Variants in NEB observed in about 807,000 individuals in gnomAD.
NEB encodes nemaline myopathy type 2.
In NEB, 512 loss-of-function variants were observed where a neutral mutation model predicts 952.2. The ratio of observed to expected loss-of-function variants is 0.54; its 90% CI spans 0.50 to 0.58. NEB has a LOEUF of 0.58. Ranked by LOEUF, NEB falls within the 20% of genes least tolerant of loss-of-function variation. NEB has a pLI of 0.00. For synonymous variants in NEB, 2,900 were observed against 3,149.8 expected (o/e 0.92, Z 2.66); for missense variants, 8,428 against 9,231.1 (o/e 0.91, Z 3.56).
chr2:151,625,061 T>A (rs2098493508), intron 71 of NEB, among the ~76,000 whole-genome samples: 2 of 152,174 alleles, frequency 1.3e-5, no homozygotes, highest in South Asian at 4.1e-4. Context: ...TAAAGTTTAT[T>A]AAACAAATAC....
At chr2:151,526,538 AG>A (rs1368136173) in intron 148 of NEB, among the ~76,000 whole-genome samples, 1 of 152,162 alleles carries the variant, frequency 6.6e-6, no homozygotes, top group Non-Finnish European at 1.5e-5. Context: ...CCCTCCCATA[AG>A]CCCTCCATGA....
intron 20 of NEB, among the ~76,000 whole-genome samples, chr2:151,693,444 T>C (rs1159852435): frequency 1.5e-5 from 2 of 137,742 alleles, no homozygotes; most frequent in African/African-American, 2.7e-5. Flanking sequence ...CCTCCAACAG[T>C]GTGTGTTGCA....
intron 64 of NEB, among the ~76,000 whole-genome samples, chr2:151,635,730 T>TGTAACCTTAG (rs2098749070): frequency 7.5e-6 from 1 of 133,726 alleles, no homozygotes; most frequent in Admixed American, 7.7e-5. Context: ...AAAAAAAGAG[T>TGTAACCTTAG]GTAACCTTAG....
chr2:151,627,543 C>T lies in NEB; in HGVS notation c.10123G>A (p.Ala3375Thr), dbSNP rs368202765. The T allele has an allele frequency of 6.2e-6, 10 of 1,613,848 alleles. No individual in the cohort carries two copies. In the African/African-American group the frequency reaches 1.2e-4, roughly 19 times the overall value. Residue 3375 changes from alanine (A) to threonine (T), a missense_variant, in exon 69 of 182, where the codon GCC becomes ACC. Around this residue, in one of 11 missense-constraint regions of NEB, gnomAD observed 1,772 missense variants for 1,960.3 expected, o/e 0.90. Transcript: ENST00000397345. ...DQNDVIHARQ[A>T]YDLQSDNIYK... ...CTCACATCGCTCTGGAGGTCATAGG[C>T]CTGCCGAGCATGGATGACATCATTC...
intron 10 of NEB, among the ~76,000 whole-genome samples, chr2:151,713,222 G>A (rs1480616481): frequency 6.6e-6 from 1 of 152,132 alleles, no homozygotes; most frequent in Non-Finnish European, 1.5e-5. Context: ...TAATTTTTAT[G>A]TGGTTACCAA....
chr2:151,501,740 C>CTCTCAAAGACCAGAGTATCAAATAGCAT (rs1403141026), intron 167 of NEB, among the ~76,000 whole-genome samples: 28 of 152,084 alleles, frequency 1.8e-4, no homozygotes, highest in Non-Finnish European at 3.4e-4. Flanking sequence ...TGTAGGCCTT[C>CTCTCAAAGACCAGAGTATCAAATAGCAT]TCTCAAAGAC....
intron 77 of NEB, 109 bp downstream of exon 77, chr2:151,614,167 A>G: frequency 8.0e-7 from 1 of 1,256,746 alleles, no homozygotes; most frequent in Non-Finnish European, 1.1e-6. Context: ...TCAGAACATT[A>G]TCCTAAAGAG....
chr2:151,673,575 G>T (rs892821384), intron 36 of NEB, among the ~76,000 whole-genome samples: 3 of 152,048 alleles, frequency 2.0e-5, no homozygotes, highest in African/African-American at 7.2e-5. Flanking sequence ...TTCCTACAAG[G>T]AAAGTAGCAG....
intron 176 of NEB, chr2:151,493,090 AG>A: frequency 5.1e-6 from 2 of 388,410 alleles, no homozygotes. Flanking sequence ...GTATAGGGGA[AG>A]GAAAACATTG....
At chr2:151,709,254 G>C (rs141298223) in intron 12 of NEB, among the ~76,000 whole-genome samples, 1 of 152,222 alleles carries the variant, frequency 6.6e-6, no homozygotes, top group East Asian at 1.9e-4. Context: ...CCTCTTCCTG[G>C]GGGGAGAAGT....
At position 151,631,278 on chromosome 2, in the gene NEB, C is replaced by T. The variant is rs1369814853; in HGVS notation, c.9483G>A (p.Val3161=). 20 of 1,613,760 alleles carry T rather than the reference C, an allele frequency of 1.2e-5. No homozygotes were observed. The highest frequency in any genetic ancestry group is 1.7e-5 in the Non-Finnish European group (20 of 1,179,858). The change falls in exon 66 of 182, where the codon GTG becomes GTA. Residue 3161 remains valine (V), a synonymous_variant. Coordinates refer to ENST00000397345, the MANE Select transcript of NEB (RefSeq NM_001164508.2). ...TTTCGGTAGCTCTCTTGCACTTGAC[C>T]ACATCCATAGACCCAATGGGGACCC... ...IGWVPIGSMD[V]VKCKRATEIL...
At chr2:151,692,513 A>T (rs1407794282) in intron 20 of NEB, 151 bp from the exon 21 acceptor site, 1 of 702,672 alleles carries the variant, frequency 1.4e-6, no homozygotes, top group Non-Finnish European at 2.6e-6. Context: ...AGCAGAATAG[A>T]TGTGGTAGAG....
At chr2:151,667,139 A>T (rs2099229433) in intron 40 of NEB, among the ~76,000 whole-genome samples, 1 of 151,852 alleles carries the variant, frequency 6.6e-6, no homozygotes, top group Non-Finnish European at 1.5e-5. Context: ...AATCAGCAAA[A>T]TATTTTTTCT....
chr2:151,562,189 C>T lies in NEB; in HGVS notation c.18917G>A (p.Trp6306Ter), dbSNP rs1460835324. The T allele has an allele frequency of 6.2e-7, 1 of 1,613,098 alleles. No individual in the cohort carries two copies. Residue 6306 changes from tryptophan (W) to a stop codon, truncating the protein, a stop_gained, in exon 121 of 182, where the codon TGG becomes TAG. Transcript: ENST00000397345. LOFTEE classifies it high-confidence loss of function. ...AACGTAGCAACCAATGCCTTTCAAC[C>T]AATTCAGGTCATCTTTATACACATT... ...SDNVYKDDLNWLKGIGCYVWD... is the reference protein window; with the variant it reads ...SDNVYKDDLN
At chr2:151,710,577 A>AT in intron 10 of NEB, 39 bp from the exon 11 acceptor site, 1 of 1,217,260 alleles carries the variant, frequency 8.2e-7, no homozygotes, top group Non-Finnish European at 1.2e-6. Flanking sequence ...AGCATAACTC[A>AT]TGAATTGACA....
intron 120 of NEB, 107 bp from the exon 121 acceptor site, chr2:151,562,321 T>C (rs2096119283): frequency 2.0e-6 from 2 of 993,356 alleles, no homozygotes; most frequent in Non-Finnish European, 3.2e-6. Flanking sequence ...TTAGAAGACA[T>C]AGGGTAGGCC....
chr2:151,656,258 G>T lies in NEB; in HGVS notation c.6390C>A (p.Ala2130=), dbSNP rs974601635. The T allele has an allele frequency of 6.2e-7, 1 of 1,613,592 alleles. No individual in the cohort carries two copies. Among genetic ancestry groups the T allele is most frequent in the African/African-American group, 1.3e-5 (1 of 74,980 alleles). ...GCTTGTAGTTAGTGTTGGTGATGTT[G>T]GCTTGGGCATCCTTTGCAGCCGTGA... ...LSVTAAKDAQ[A]NITNTNYKHL... is the part of the protein sequence containing the mutation. Residue 2130 remains alanine (A), a synonymous_variant, in exon 49 of 182, where the codon GCC becomes GCA. Transcript: ENST00000397345.
chr2:151,638,477 G>C (rs367642307), intron 63 of NEB, among the ~76,000 whole-genome samples: 1 of 152,186 alleles, frequency 6.6e-6, no homozygotes, highest in Non-Finnish European at 1.5e-5. Flanking sequence ...CCATCTCTGG[G>C]GGTTGGCACA....
chr2:151,540,618 G>T, intron 137 of NEB, 79 bp downstream of exon 137: 1 of 1,305,194 alleles, frequency 7.7e-7, no homozygotes, highest in Non-Finnish European at 1.1e-6. Context: ...TGAGCTCTCT[G>T]ATCAGAGGTA....
Sources: gnomAD v4.1 joint callset for allele counts (sites outside exome capture counted in the v4.1 genomes callset) on GRCh38, gnomAD v4.1.1 for gene constraint, gnomAD v4.1.1 regional missense constraint, MANE v1.5 for transcripts, NCBI Gene and HGNC (gene_info 2026-07-23, HGNC 2026-07-21) for gene names.